Variants in NBPF26 observed in about 807,000 individuals in gnomAD.
NBPF26 encodes the protein NBPF member 26.
In NBPF26, 79 loss-of-function variants were observed where a neutral mutation model predicts 119.6. That is an observed-to-expected ratio of 0.66 (90% confidence interval 0.55 to 0.80). NBPF26 has a LOEUF of 0.80. Among genes scored for constraint, NBPF26 ranks in the 30% least tolerant of loss-of-function variants. NBPF26 has a pLI of 0.00. For synonymous variants in NBPF26, 299 were observed against 457.7 expected (o/e 0.65, Z 4.43); for missense variants, 800 against 1,198.2 (o/e 0.67, Z 4.91).
At position 120,804,245 on chromosome 1, in the gene NBPF26, G is replaced by T. The variant is rs1448543773; in HGVS notation, c.752-1311G>T. ...TCCAGGCTCACAAAACGTAGGTGGGGATGAAAGCTGAGAAAGCGAAGAGGT... is the reference window on the plus strand; with the variant it reads ...TCCAGGCTCACAAAACGTAGGTGGGTATGAAAGCTGAGAAAGCGAAGAGGT... On this transcript the variant is annotated intron_variant, in intron 4 of 29. Transcript: ENST00000620612. 4.0e-5 allele frequency among the ~76,000 whole-genome samples: 4 copies of T among 99,862 alleles called. 2 individuals are homozygous for T. Among genetic ancestry groups the T allele is most frequent in the South Asian group, 5.7e-4 (2 of 3,536 alleles). 65.5% of individuals were successfully genotyped at this position (99,862 alleles called of 152,430 possible). A position where few individuals can be genotyped will look rare whatever the true frequency, so the allele number is the denominator to read the frequency against.
chr1:120,806,521 A>T (rs1196631331), intron 5 of NBPF26, among the ~76,000 whole-genome samples: 1 of 124,092 alleles, frequency 8.1e-6, no homozygotes, highest in Non-Finnish European at 1.6e-5. Flanking sequence ...TGAACCCAGC[A>T]GGCAGATGTT....
chr1:120,805,054 T>G (rs1651647571), intron 4 of NBPF26, among the ~76,000 whole-genome samples: 1 of 121,630 alleles, frequency 8.2e-6, no homozygotes, highest in Non-Finnish European at 1.6e-5. Context: ...TTGATGATGT[T>G]GTACAGACAA....
chr1:120,818,789 G>T (rs1246812054), intron 15 of NBPF26, among the ~76,000 whole-genome samples: 1 of 119,270 alleles, frequency 8.4e-6, no homozygotes, highest in Non-Finnish European at 1.7e-5. Context: ...GTAGTTGTGC[G>T]GTTTTGAGTG....
In NBPF26 at chr1:120,817,122, C is replaced by A. The variant is rs1323895630; in HGVS notation, c.2371+295C>A. 1.7e-5 allele frequency among the ~76,000 whole-genome samples: 2 copies of A among 116,422 alleles called. 1 individual carries two copies. The highest frequency in any genetic ancestry group is 5.0e-4 in the South Asian group (2 of 4,024). 76.4% of individuals were successfully genotyped at this position (116,422 alleles called of 152,430 possible). A position where few individuals can be genotyped will look rare whatever the true frequency, so the allele number is the denominator to read the frequency against. ...GCTTCGATTCAATATCTCTTGTCATCTGTGATTAAGTCATCTGTCCCTGAA... is the reference window on the plus strand; with the variant it reads ...GCTTCGATTCAATATCTCTTGTCATATGTGATTAAGTCATCTGTCCCTGAA... On this transcript the variant is annotated intron_variant, in intron 14 of 29. Coordinates refer to ENST00000620612, the Ensembl canonical transcript of NBPF26.
chr1:120,804,275 C>A (rs1209826878), intron 4 of NBPF26, among the ~76,000 whole-genome samples: 1 of 107,742 alleles, frequency 9.3e-6, no homozygotes, highest in East Asian at 2.2e-4. Flanking sequence ...AGAGGTGGTT[C>A]AGAGGATCAC....
In NBPF26 at chr1:120,802,746, G is replaced by A. The variant is rs1412828304; in HGVS notation, c.752-2810G>A. Among the ~76,000 whole-genome samples the A allele has an allele frequency of 3.4e-5, 4 of 118,936 alleles. 1 individual carries two copies. Among genetic ancestry groups the A allele is most frequent in the Non-Finnish European group, 6.5e-5 (4 of 61,400 alleles). The allele number at this position is 118,936 out of a possible 152,430, so 78.0% of individuals were successfully genotyped here. A position where few individuals can be genotyped will look rare whatever the true frequency, so the allele number is the denominator to read the frequency against. On this transcript the variant is annotated intron_variant, in intron 4 of 29. Coordinates refer to ENST00000620612, the Ensembl canonical transcript of NBPF26. Reference sequence around the variant, plus strand: ...ATTCTAGCCACCTAACTAGAAACTCGAAATTTAACAGGTTCTTTCAGTTTC... The same window carrying A: ...ATTCTAGCCACCTAACTAGAAACTCAAAATTTAACAGGTTCTTTCAGTTTC...
chr1:120,815,177 G>C lies in NBPF26; in HGVS notation c.2092+134G>C. 5.7e-6 allele frequency: 4 copies of C among 696,698 alleles called. 1 individual carries two copies. The highest frequency in any genetic ancestry group is 3.0e-5 in the Admixed American group (1 of 33,838). 43.2% of individuals were successfully genotyped at this position (696,698 alleles called of 1,614,324 possible). On this transcript the variant is annotated intron_variant, in intron 12 of 29. Coordinates refer to ENST00000620612, the Ensembl canonical transcript of NBPF26. Reference sequence around the variant, plus strand: ...GCTTATGTGGCCATGACATGACCAGGACTTCTTGGGTAAGAACAGAGATGG... The same window carrying C: ...GCTTATGTGGCCATGACATGACCAGCACTTCTTGGGTAAGAACAGAGATGG...
intron 22 of NBPF26, among the ~76,000 whole-genome samples, 176 bp from the exon 27 acceptor site, chr1:120,832,699 A>C (rs2101549503): frequency 8.3e-6 from 1 of 120,592 alleles, no homozygotes; most frequent in South Asian, 2.4e-4. Flanking sequence ...TTTCTGGGAG[A>C]AAAACCGAGG....
exon 30 of NBPF26, chr1:120,840,408 A>G (rs78149412): frequency 1.4e-6 from 2 of 1,465,100 alleles, no homozygotes; most frequent in Admixed American, 1.8e-5. Context: ...CTCACTGGAT[A>G]TATGTTATTC....
Position 120,817,082 on chromosome 1 carries a change from C to T in NBPF26, c.2371+255C>T, listed in dbSNP as rs1398140264. ...AGTGCAGGAGGTGCACAGGCAGTATCTGTCAGGCCTCCTAGCTTCGATTCA... is the reference window on the plus strand; with the variant it reads ...AGTGCAGGAGGTGCACAGGCAGTATTTGTCAGGCCTCCTAGCTTCGATTCA... On this transcript the variant is annotated intron_variant, in intron 14 of 29. Coordinates refer to ENST00000620612, the Ensembl canonical transcript of NBPF26. Among the ~76,000 whole-genome samples the T allele has an allele frequency of 1.7e-5, 2 of 117,600 alleles. 1 individual carries two copies. Among genetic ancestry groups the T allele is most frequent in the Non-Finnish European group, 3.3e-5 (2 of 61,150 alleles). The allele number at this position is 117,600 out of a possible 152,430, so 77.2% of individuals were successfully genotyped here.
chr1:120,727,256 C>T, intron 1 of NBPF26, among the ~76,000 whole-genome samples: 1 of 94,202 alleles, frequency 1.1e-5, no homozygotes, highest in Non-Finnish European at 1.9e-5. Context: ...ACAGGTGATT[C>T]TGACAAGTAA....
chr1:120,743,863 G>A (rs1650956488), intron 1 of NBPF26, among the ~76,000 whole-genome samples: 1 of 122,052 alleles, frequency 8.2e-6, no homozygotes, highest in Non-Finnish European at 1.7e-5. Context: ...GCTTTGTGCT[G>A]AATATTAGAG....
intron 4 of NBPF26, among the ~76,000 whole-genome samples, chr1:120,802,668 C>G (rs1434519528): frequency 8.4e-6 from 1 of 119,064 alleles, no homozygotes; most frequent in African/African-American, 4.7e-5. Flanking sequence ...AATCATACTG[C>G]TAAGAATTCA....
rs1374541402 is a variant in NBPF26 at position 120,814,886 on chromosome 1, G to T, written c.1935G>T (p.Lys645Asn). 41 of 1,260,738 alleles carry T rather than the reference G, an allele frequency of 3.3e-5. 9 individuals are homozygous for T. The highest frequency in any genetic ancestry group is 4.5e-5 in the Non-Finnish European group (41 of 901,742). The allele number at this position is 1,260,738 out of a possible 1,614,324, so 78.1% of individuals were successfully genotyped here. ...GAGAGCTGACCCAGTTAAGGGAGAA[G>T]TTGCGGGAAGGGAGAGATGCCTCCC... Residue 645 changes from lysine (K) to asparagine (N), a missense_variant, in exon 12 of 30, where the codon AAG becomes AAT. Lys to Asn is a moderately conservative substitution (Grantham distance 94, BLOSUM62 0). Transcript: ENST00000620612.
intron 9 of NBPF26, 75 bp downstream of exon 9, chr1:120,810,633 T>C: frequency 7.6e-7 from 1 of 1,318,114 alleles, no homozygotes; most frequent in Non-Finnish European, 1.0e-6. Flanking sequence ...AGGCTGTATA[T>C]ACACATATTG....
At chr1:120,803,248 A>T (rs1651602125) in intron 4 of NBPF26, among the ~76,000 whole-genome samples, 2 of 136,926 alleles carry the variant, frequency 1.5e-5, no homozygotes, top group South Asian at 4.5e-4. Context: ...ATAAAACCTA[A>T]AACTATTGCT....
chr1:120,806,763 C>A (rs1478057873), intron 5 of NBPF26, among the ~76,000 whole-genome samples: 1 of 118,522 alleles, frequency 8.4e-6, no homozygotes, highest in African/African-American at 4.2e-5. Flanking sequence ...AAGCAGGGAC[C>A]CTCAGCCTGT....
intron 9 of NBPF26, among the ~76,000 whole-genome samples, chr1:120,810,764 C>G (rs1476572457): frequency 0.044 from 2,812 of 64,276 alleles, 8 homozygotes; most frequent in African/African-American, 0.053. Flanking sequence ...GACCAGCCTA[C>G]ACAATATGGT....
Position 120,811,627 on chromosome 1 carries a change from A to G in NBPF26, c.1565-259A>G, listed in dbSNP as rs1262014412. The stretch of plus-strand genomic sequence containing the variant: ...AACATTGGCCACTCATGGGGTAAAA[A>G]TCTCAGGGCCAAGCCTTGCTTTATA... On this transcript the variant is annotated intron_variant, in intron 9 of 29. Coordinates refer to ENST00000620612, the Ensembl canonical transcript of NBPF26. Among the ~76,000 whole-genome samples, 2 of 113,506 alleles carry G rather than the reference A, an allele frequency of 1.8e-5. 1 individual carries two copies. Among genetic ancestry groups the G allele is most frequent in the Non-Finnish European group, 3.4e-5 (2 of 58,048 alleles). The allele number at this position is 113,506 out of a possible 152,430, so 74.5% of individuals were successfully genotyped here. A position where few individuals can be genotyped will look rare whatever the true frequency, so the allele number is the denominator to read the frequency against.
Sources: allele counts gnomAD v4.1 joint callset (sites outside exome capture counted in the v4.1 genomes callset), GRCh38; gene constraint gnomAD v4.1.1; transcripts MANE v1.5; gene names NCBI Gene and HGNC (gene_info 2026-07-23, HGNC 2026-07-21).